ONECUT3: variants seen among roughly 807,000 people sequenced by gnomAD.
The protein encoded by ONECUT3 is one cut homeobox 3, also known as one cut domain family member 3.
Under a neutral mutation model 16.8 loss-of-function variants are expected in ONECUT3, and 11 were observed. The observed-to-expected ratio is 0.66, with a 90% CI of 0.41 to 1.09. The LOEUF (loss-of-function observed/expected upper bound fraction) is 1.09. Among genes scored for constraint, ONECUT3 ranks in the 50% least tolerant of loss-of-function variants. ONECUT3 has a pLI of 0.00. For synonymous variants in ONECUT3, 344 were observed against 310.7 expected (o/e 1.11, Z -1.13); for missense variants, 637 against 629.9 (o/e 1.01, Z -0.12).
intron 1 of ONECUT3, among the ~76,000 whole-genome samples, chr19:1,756,695 A>ATTTTTTTTTTTTTTTTTTT (rs58105449): frequency 4.9e-5 from 5 of 101,140 alleles, no homozygotes; most frequent in Non-Finnish European, 5.6e-5. Context: ...ACGCCTGGCT[A>ATTTTTTTTTTTTTTTTTTT]TTTTTTTTTT....
rs763550698 is a variant in ONECUT3, at chr19:1,775,336, G to A, written c.1376G>A (p.Ser459Asn). The change falls in exon 2 of 2, where the codon AGC (serine) becomes AAC (asparagine). Residue 459 changes from serine (S) to asparagine (N), a missense_variant. Physicochemically the swap from Ser to Asn is conservative, Grantham distance 46. This residue lies in a region of ONECUT3 where 183 missense variants were observed against 188.3 expected (regional missense o/e 0.97). Transcript: ENST00000382349. ...QQLGLELNTVSNFFMNARRRC... is the reference protein window; with the variant it reads ...QQLGLELNTVNNFFMNARRRC... ...CTCGGCTTGGAGCTCAACACCGTCAGCAACTTCTTCATGAACGCGCGGCGC... is the reference window on the plus strand; with the variant it reads ...CTCGGCTTGGAGCTCAACACCGTCAACAACTTCTTCATGAACGCGCGGCGC... The A allele has an allele frequency of 6.5e-7, 1 of 1,536,500 alleles. No individual in the cohort carries two copies. Among genetic ancestry groups the A allele is most frequent in the Non-Finnish European group, 8.8e-7 (1 of 1,137,272 alleles).
Position 1,754,295 on chromosome 19 carries a change from CG to C in ONECUT3, c.635del (p.Gly212AlafsTer123). On this transcript the variant is annotated frameshift_variant, in exon 1 of 2. Transcript: ENST00000382349. LOFTEE classifies it high-confidence loss of function. This position sits in a 1 kb window ranked among gnomAD's most constrained non-coding sequence, Gnocchi z 7.4. Reference sequence around the variant, plus strand: ...CCAACGCGCTGCCGCCCGCGCTGCACGGCGCCCCGCAGCCCCCGCCGCCGCC... The same window carrying C: ...CCAACGCGCTGCCGCCCGCGCTGCACGCGCCCCGCAGCCCCCGCCGCCGCC... The part of the protein sequence containing the change: ...LPNALPPALH[G>X]APQPPPPPPP... The C allele has an allele frequency of 2.8e-6, 3 of 1,054,092 alleles. No individual in the cohort carries two copies. Among genetic ancestry groups the C allele is most frequent in the Non-Finnish European group, 3.4e-6 (3 of 879,728 alleles). 65.3% of individuals were successfully genotyped at this position (1,054,092 alleles called of 1,614,324 possible).
At chr19:1,760,308 G>C (rs2067939963) in intron 1 of ONECUT3, among the ~76,000 whole-genome samples, 1 of 152,132 alleles carries the variant, frequency 6.6e-6, no homozygotes, top group South Asian at 2.1e-4. Flanking sequence ...CTAGGCTGGA[G>C]ATGCCCAGGC....
chr19:1,770,741 G>A (rs78315519), intron 1 of ONECUT3, among the ~76,000 whole-genome samples: 10,924 of 152,198 alleles, frequency 0.072, 451 homozygotes, highest in African/African-American at 0.12. Flanking sequence ...TAGGGTGGCC[G>A]AGTGCCAAAG....
intron 1 of ONECUT3, among the ~76,000 whole-genome samples, chr19:1,767,410 T>C (rs1010959331): frequency 1.3e-5 from 2 of 151,398 alleles, no homozygotes; most frequent in Non-Finnish European, 3.0e-5. Flanking sequence ...GACCACCCTC[T>C]TGGGCCCCGG....
Position 1,775,225 on chromosome 19 carries a change from C to T in ONECUT3, c.1265C>T (p.Thr422Ile). The change falls in exon 2 of 2, where the codon ACC (threonine) becomes ATC (isoleucine). Residue 422 changes from threonine to isoleucine, a missense_variant. Coordinates refer to ENST00000382349, the MANE Select transcript of ONECUT3 (RefSeq NM_001080488.2). The stretch of plus-strand genomic sequence containing the variant: ...CCCAAGAAGCAGCGCCTGGTGTTCA[C>T]CGACCTGCAGCGACGCACGCTGATC... Reference protein sequence around the residue: ...LQPKKQRLVFTDLQRRTLIAI... With the variant: ...LQPKKQRLVFIDLQRRTLIAI... The T allele has an allele frequency of 6.4e-7, 1 of 1,562,770 alleles. No individual in the cohort carries two copies.
At chr19:1,767,258 G>T (rs532223880) in intron 1 of ONECUT3, among the ~76,000 whole-genome samples, 7 of 152,218 alleles carry the variant, frequency 4.6e-5, no homozygotes, top group African/African-American at 1.4e-4. Flanking sequence ...GGAGCCTCTT[G>T]TTAGCCCTGC....
At position 1,778,804 on chromosome 19, in the gene ONECUT3, T is replaced by A. The variant is rs745851417; in HGVS notation, c.*3359T>A. On this transcript the variant is annotated 3_prime_UTR_variant, in exon 2 of 2. Coordinates refer to ENST00000382349, the MANE Select transcript of ONECUT3 (RefSeq NM_001080488.2). ...CTGGGCAACACAGCAAGACCCCACT[T>A]CTACAAAAAAAAATAAATAAAGTGG... The A allele has an allele frequency of 1.3e-3, 195 of 150,112 alleles. 1 individual carries two copies. Among genetic ancestry groups the A allele is most frequent in the Non-Finnish European group, 2.4e-3 (164 of 67,884 alleles). 9.3% of individuals were successfully genotyped at this position (150,112 alleles called of 1,614,324 possible). A position where few individuals can be genotyped will look rare whatever the true frequency, so the allele number is the denominator to read the frequency against.
chr19:1,767,217 G>A (rs1273751983), intron 1 of ONECUT3, among the ~76,000 whole-genome samples: 4 of 152,248 alleles, frequency 2.6e-5, no homozygotes, highest in African/African-American at 9.6e-5. Context: ...CCAGAGCCCA[G>A]CTCCTCTCAG....
chr19:1,765,386 G>A (rs1397755090), intron 1 of ONECUT3, among the ~76,000 whole-genome samples: 1 of 152,196 alleles, frequency 6.6e-6, no homozygotes, highest in Non-Finnish European at 1.5e-5. Flanking sequence ...CCAGCCAGCA[G>A]TGTATCCACT....
chr19:1,773,031 C>G (rs2068071306), intron 1 of ONECUT3, among the ~76,000 whole-genome samples: 1 of 152,038 alleles, frequency 6.6e-6, no homozygotes, highest in African/African-American at 2.4e-5. Flanking sequence ...TCTTCCAGTC[C>G]TTACATGGAA....
At chr19:1,772,864 T>TA in intron 1 of ONECUT3, among the ~76,000 whole-genome samples, 1 of 145,326 alleles carries the variant, frequency 6.9e-6, no homozygotes, top group Non-Finnish European at 1.5e-5. Flanking sequence ...CAGCTAATTT[T>TA]TTTTTTTTTT....
rs905608068 is a variant in ONECUT3 at position 1,754,982 on chromosome 19, G to A, written c.1192+128G>A. ...CCGCCCGTGCGCCCCGGCAGCCCGG[G>A]ACCCCCTATCAGGAAGCTAGACCGC... On this transcript the variant is annotated intron_variant, in intron 1 of 1. Transcript: ENST00000382349. This position sits in a 1 kb window ranked among gnomAD's most constrained non-coding sequence, Gnocchi z 7.4. The A allele has an allele frequency of 3.3e-6, 4 of 1,211,550 alleles. No homozygotes were observed. In the African/African-American group the frequency reaches 6.4e-5, roughly 19 times the overall value. 75.0% of individuals were successfully genotyped at this position (1,211,550 alleles called of 1,614,324 possible).
rs1371870586 is a variant in ONECUT3, at chr19:1,764,567, G to T, written c.1192+9713G>T. On this transcript the variant is annotated intron_variant, in intron 1 of 1. Transcript: ENST00000382349. This position sits in a 1 kb window ranked among gnomAD's most constrained non-coding sequence, Gnocchi z 5.0. ...GTGGAGGGGTAGTGGGAACAGAGTG[G>T]GGCCAGATGAGGGGCTGGGGAGGCC... 6.6e-6 allele frequency among the ~76,000 whole-genome samples: 1 copy of T among 151,932 alleles called. No homozygotes were observed. The highest frequency in any genetic ancestry group is 1.5e-5 in the Non-Finnish European group (1 of 67,950).
At position 1,779,413 on chromosome 19, in the gene ONECUT3, GCGCA is replaced by G. The variant is rs2068138134; in HGVS notation, c.*3969_*3972del. 6.6e-6 allele frequency: 1 copy of G among 151,810 alleles called. No homozygotes were observed. The highest frequency in any genetic ancestry group is 2.4e-5 in the African/African-American group (1 of 41,234). The allele number at this position is 151,810 out of a possible 1,614,324, so 9.4% of individuals were successfully genotyped here. ...AGAAAGGAAGAGAGAGAGAGAGCGA[GCGCA>G]AGAGAGAGAGAGAGGGAGAGAGAGG... On this transcript the variant is annotated 3_prime_UTR_variant, in exon 2 of 2. Transcript: ENST00000382349.
Position 1,758,854 on chromosome 19 carries a change from AT to A in ONECUT3, c.1192+4001del, listed in dbSNP as rs2067931868. Among the ~76,000 whole-genome samples, 1 of 152,216 alleles carries A rather than the reference AT, an allele frequency of 6.6e-6. No homozygotes were observed. The highest frequency in any genetic ancestry group is 6.5e-5 in the Admixed American group (1 of 15,282). On this transcript the variant is annotated intron_variant, in intron 1 of 1. Transcript: ENST00000382349. The surrounding 1 kb of genome is among the most constrained non-coding windows in gnomAD (Gnocchi z 5.9). ...CTAATTCATCACCGTCGCCGGGTCGATAGCTTCGGCCGTCTTCAAATATTGT... is the reference window on the plus strand; with the variant it reads ...CTAATTCATCACCGTCGCCGGGTCGAAGCTTCGGCCGTCTTCAAATATTGT...
chr19:1,777,521 G>A lies in ONECUT3; in HGVS notation c.*2076G>A, dbSNP rs976635371. ...GCCCCTGTTTTTCTGTGGTGTCACTGGGTGCCAGCAACTCGGTATCTCCCA... is the reference window on the plus strand; with the variant it reads ...GCCCCTGTTTTTCTGTGGTGTCACTAGGTGCCAGCAACTCGGTATCTCCCA... On this transcript the variant is annotated 3_prime_UTR_variant, in exon 2 of 2. Transcript: ENST00000382349. 3.3e-5 allele frequency: 5 copies of A among 152,054 alleles called. No homozygotes were observed. Among genetic ancestry groups the A allele is most frequent in the African/African-American group, 9.7e-5 (4 of 41,392 alleles). 9.4% of individuals were successfully genotyped at this position (152,054 alleles called of 1,614,324 possible). A position where few individuals can be genotyped will look rare whatever the true frequency, so the allele number is the denominator to read the frequency against.
chr19:1,774,383 C>T (rs917642576), intron 1 of ONECUT3, among the ~76,000 whole-genome samples: 1 of 151,050 alleles, frequency 6.6e-6, no homozygotes, highest in Non-Finnish European at 1.5e-5. Context: ...GCGTTCGAGA[C>T]CAGCCTGGGC....
rs1263535175 is a variant in ONECUT3, at chr19:1,754,144, C to T, written c.482C>T (p.Ala161Val). 3.8e-6 allele frequency: 4 copies of T among 1,045,754 alleles called. No individual in the cohort carries two copies. Among genetic ancestry groups the T allele is most frequent in the South Asian group, 3.1e-5 (1 of 32,146 alleles). 64.8% of individuals were successfully genotyped at this position (1,045,754 alleles called of 1,614,324 possible). The change falls in exon 1 of 2, where the codon GCG becomes GTG. Residue 161 changes from alanine (A) to valine (V), a missense_variant. Ala to Val is a moderately conservative substitution (Grantham distance 64, BLOSUM62 0). Coordinates refer to ENST00000382349, the MANE Select transcript of ONECUT3 (RefSeq NM_001080488.2). The surrounding 1 kb of genome is among the most constrained non-coding windows in gnomAD (Gnocchi z 7.4). Reference protein sequence around the residue: ...PPPPPPPQRLAASVSGSFTLM... With the variant: ...PPPPPPPQRLVASVSGSFTLM... ...CCGCCACCCCCGCCGCAGCGTCTGG[C>T]GGCCAGCGTGAGCGGCAGCTTCACC...
Sources: gnomAD v4.1 joint callset for allele counts (sites outside exome capture counted in the v4.1 genomes callset) on GRCh38, gnomAD v4.1.1 for gene constraint, gnomAD v4.1.1 regional missense constraint, Gnocchi (gnomAD v3.1) non-coding constraint, MANE v1.5 for transcripts, NCBI Gene and HGNC (gene_info 2026-07-23, HGNC 2026-07-21) for gene names.